C14orf119: variants seen among roughly 807,000 people sequenced by gnomAD.
C14orf119 encodes chromosome 14 open reading frame 119, also known as uncharacterized protein C14orf119.
A neutral mutation model predicts 13.5 loss-of-function variants in C14orf119; 17 were observed. The ratio of observed to expected loss-of-function variants is 1.26; its 90% CI spans 0.86 to 1.88. The LOEUF (loss-of-function observed/expected upper bound fraction) is 1.88, where lower values mean the gene tolerates loss of function less well. Ranked by LOEUF, C14orf119 falls within the 40% of genes most tolerant of loss-of-function variation. C14orf119 has a pLI of 0.00. For missense variants in C14orf119, 162 were observed against 165.9 expected, an observed-to-expected ratio of 0.98 and a Z score of 0.13; for synonymous variants, 61 against 61.9, an observed-to-expected ratio of 0.99 and a Z score of 0.07.
Position 23,097,758 on chromosome 14 carries a change from A to G in C14orf119, c.100A>G (p.Ile34Val). The change falls in exon 2 of 2, where the codon ATC becomes GTC. Residue 34 changes from isoleucine to valine, a missense_variant. Transcript: ENST00000319074. Reference sequence around the variant, plus strand: ...CCCTTCCCCTCCTCTGATGTCTTACATCACCTCCCAGGAGATGAAGTGTAT... The same window carrying G: ...CCCTTCCCCTCCTCTGATGTCTTACGTCACCTCCCAGGAGATGAAGTGTAT... Reference protein sequence around the residue: ...TNPSPPLMSYITSQEMKCILH... With the variant: ...TNPSPPLMSYVTSQEMKCILH... 7 of 1,613,978 alleles carry G rather than the reference A, an allele frequency of 4.3e-6. No individual in the cohort carries two copies. Among genetic ancestry groups the G allele is most frequent in the Non-Finnish European group, 5.9e-6 (7 of 1,179,878 alleles).
Position 23,099,246 on chromosome 14 carries a change from T to G in C14orf119, c.*1165T>G. ...CATCCAGTTGTCTCACAAGAAATTA[T>G]TCTCTTCCTTACCCCCTGTCATGTT... On this transcript the variant is annotated 3_prime_UTR_variant, in exon 2 of 2. Transcript: ENST00000319074. The G allele has an allele frequency of 2.4e-6, 1 of 413,472 alleles. No individual in the cohort carries two copies. The highest frequency in any genetic ancestry group is 4.4e-6 in the Non-Finnish European group (1 of 226,150). 25.6% of individuals were successfully genotyped at this position (413,472 alleles called of 1,614,324 possible). A position where few individuals can be genotyped will look rare whatever the true frequency, so the allele number is the denominator to read the frequency against.
Position 23,098,987 on chromosome 14 carries a change from T to G in C14orf119, c.*906T>G. 1 of 223,988 alleles carries G rather than the reference T, an allele frequency of 4.5e-6. No individual in the cohort carries two copies. Among genetic ancestry groups the G allele is most frequent in the Non-Finnish European group, 9.5e-6 (1 of 105,504 alleles). The allele number at this position is 223,988 out of a possible 1,614,324, so 13.9% of individuals were successfully genotyped here. ...GGCCTTTTTCTAAGGCATATGTATG[T>G]GATATTCTTGGAACTGGTAGCAGGT... On this transcript the variant is annotated 3_prime_UTR_variant, in exon 2 of 2. Transcript: ENST00000319074.
chr14:23,097,567 C>G, intron 1 of C14orf119, 91 bp from the exon 2 acceptor site: 2 of 1,143,978 alleles, frequency 1.7e-6, no homozygotes. Context: ...TCTGTAGATG[C>G]TAATTGAGTG....
chr14:23,097,152 A>T (rs555184874), intron 1 of C14orf119, among the ~76,000 whole-genome samples: 1 of 140,214 alleles, frequency 7.1e-6, no homozygotes, highest in South Asian at 2.3e-4. Context: ...ATGCACATTG[A>T]AGGCTCTTTC....
At position 23,098,537 on chromosome 14, in the gene C14orf119, A is replaced by G. The variant is rs1442221548; in HGVS notation, c.*456A>G. 1 of 181,372 alleles carries G rather than the reference A, an allele frequency of 5.5e-6. No individual in the cohort carries two copies. Among genetic ancestry groups the G allele is most frequent in the African/African-American group, 2.4e-5 (1 of 41,820 alleles). The allele number at this position is 181,372 out of a possible 1,614,324, so 11.2% of individuals were successfully genotyped here. ...TACCACTCCTATCAGATTGTAGTGT[A>G]ATTGTGTGATACGCAAACCATTAGT... On this transcript the variant is annotated 3_prime_UTR_variant, in exon 2 of 2. Coordinates refer to ENST00000319074, the MANE Select transcript of C14orf119 (RefSeq NM_017924.4).
In C14orf119 at chr14:23,095,553, C is replaced by G; in HGVS notation, c.-68C>G. Reference sequence around the variant, plus strand: ...TTAGGGTTTTCAGGAAATTTGGAAGCTGCCGCAGTAGTTGGAGTCTAAGGA... The same window carrying G: ...TTAGGGTTTTCAGGAAATTTGGAAGGTGCCGCAGTAGTTGGAGTCTAAGGA... On this transcript the variant is annotated 5_prime_UTR_variant, in exon 1 of 2. Coordinates refer to ENST00000319074, the MANE Select transcript of C14orf119 (RefSeq NM_017924.4). 1 of 479,978 alleles carries G rather than the reference C, an allele frequency of 2.1e-6. No individual in the cohort carries two copies. The highest frequency in any genetic ancestry group is 3.5e-5 in the East Asian group (1 of 28,200). The allele number at this position is 479,978 out of a possible 1,614,324, so 29.7% of individuals were successfully genotyped here.
rs534243163 is a variant in C14orf119, at chr14:23,097,613, C to T, written c.-1-45C>T. The T allele has an allele frequency of 2.2e-5, 34 of 1,521,644 alleles. No homozygotes were observed. The East Asian group carries it at 2.3e-4, about 10-fold the overall frequency. 94.3% of individuals were successfully genotyped at this position (1,521,644 alleles called of 1,614,324 possible). A position where few individuals can be genotyped will look rare whatever the true frequency, so the allele number is the denominator to read the frequency against. On this transcript the variant is annotated intron_variant, in intron 1 of 1. Coordinates refer to ENST00000319074, the MANE Select transcript of C14orf119 (RefSeq NM_017924.4). ...TCTTGTTGCTTGAAAGTTGTATTTT[C>T]GTTGCTCTACCTGGAGAGCATATAA...
chr14:23,097,556 C>T (rs1268062363), intron 1 of C14orf119, 102 bp from the exon 2 acceptor site: 1 of 1,030,526 alleles, frequency 9.7e-7, no homozygotes, highest in African/African-American at 1.6e-5. Context: ...AAGTAATTTT[C>T]TCTGTAGATG....
chr14:23,099,497 C>T lies in C14orf119; in HGVS notation c.*1416C>T, dbSNP rs2048412485. 2.5e-6 allele frequency: 1 copy of T among 399,918 alleles called. No individual in the cohort carries two copies. Among genetic ancestry groups the T allele is most frequent in the Non-Finnish European group, 4.6e-6 (1 of 218,316 alleles). 24.8% of individuals were successfully genotyped at this position (399,918 alleles called of 1,614,324 possible). A position where few individuals can be genotyped will look rare whatever the true frequency, so the allele number is the denominator to read the frequency against. On this transcript the variant is annotated 3_prime_UTR_variant, in exon 2 of 2. Transcript: ENST00000319074. ...TCTGAAGTAACCAGCAACCTAGGAA[C>T]ATAGAAGGTAATATTTGGCATGGAA...
Position 23,098,470 on chromosome 14 carries a change from G to A in C14orf119, c.*389G>A, listed in dbSNP as rs2048403825. 2 of 197,264 alleles carry A rather than the reference G, an allele frequency of 1.0e-5. No homozygotes were observed. The highest frequency in any genetic ancestry group is 1.1e-4 in the Admixed American group (2 of 18,914). The allele number at this position is 197,264 out of a possible 1,614,324, so 12.2% of individuals were successfully genotyped here. ...CGAGAAATAAGACAGGACAATAAAAGGTGGCGTTTTTGTACTTTACCTGGA... is the reference window on the plus strand; with the variant it reads ...CGAGAAATAAGACAGGACAATAAAAAGTGGCGTTTTTGTACTTTACCTGGA... On this transcript the variant is annotated 3_prime_UTR_variant, in exon 2 of 2. Coordinates refer to ENST00000319074, the MANE Select transcript of C14orf119 (RefSeq NM_017924.4).
At chr14:23,097,514 C>T in intron 1 of C14orf119, 144 bp from the exon 2 acceptor site, 1 of 685,460 alleles carries the variant, frequency 1.5e-6, no homozygotes. Context: ...AAATAAAGGA[C>T]TCTTATTATT....
In C14orf119 at chr14:23,097,919, A is replaced by G. The variant is rs1373193125; in HGVS notation, c.261A>G (p.Arg87=). ...AGCTTAGTGTGTCTGGGGCAGACCG[A>G]CCACCTTCTATCTTTGAGTGCCAGC... The part of the protein sequence containing the change: ...LEQLSVSGAD[R]PPSIFECQLH... Residue 87 remains arginine, a synonymous_variant, in exon 2 of 2, where the codon CGA becomes CGG. Transcript: ENST00000319074. 1 of 1,614,088 alleles carries G rather than the reference A, an allele frequency of 6.2e-7. No individual in the cohort carries two copies. The highest frequency in any genetic ancestry group is 8.5e-7 in the Non-Finnish European group (1 of 1,179,970).
intron 1 of C14orf119, 37 bp from the exon 2 acceptor site, chr14:23,097,621 T>C (rs2048395292): frequency 1.3e-6 from 2 of 1,575,920 alleles, no homozygotes; most frequent in Non-Finnish European, 1.7e-6. Context: ...TTCGTTGCTC[T>C]ACCTGGAGAG....
intron 1 of C14orf119, among the ~76,000 whole-genome samples, chr14:23,096,026 T>C (rs2048365722): frequency 6.6e-6 from 1 of 152,236 alleles, no homozygotes; most frequent in Non-Finnish European, 1.5e-5. Flanking sequence ...TTTTTGGTAC[T>C]TGAACTAATA....
chr14:23,098,056 T>C lies in C14orf119; in HGVS notation c.398T>C (p.Val133Ala), dbSNP rs1490297627. Residue 133 changes from valine to alanine, a missense_variant, in exon 2 of 2, where the codon GTG becomes GCG. By Grantham distance (64) the Val-to-Ala change is moderately conservative. Coordinates refer to ENST00000319074, the MANE Select transcript of C14orf119 (RefSeq NM_017924.4). ...TTCGTGGCAAAGTTTTACCAAGCAG[T>C]GGCTGCTACAGCTGGTAAGGACTGA... Reference protein sequence around the residue: ...PDFVAKFYQAVAATAGKD With the variant: ...PDFVAKFYQAAAATAGKD 2.5e-6 allele frequency: 4 copies of C among 1,613,924 alleles called. No individual in the cohort carries two copies. The highest frequency in any genetic ancestry group is 2.5e-6 in the Non-Finnish European group (3 of 1,180,022).
intron 1 of C14orf119, 142 bp from the exon 2 acceptor site, chr14:23,097,516 C>T: frequency 1.4e-6 from 1 of 701,314 alleles, no homozygotes; most frequent in Non-Finnish European, 2.4e-6. Flanking sequence ...ATAAAGGACT[C>T]TTATTATTTT....
rs184281713 is a variant in C14orf119 at position 23,099,417 on chromosome 14, C to A, written c.*1336C>A. ...TTCCCATTACACCCACCAGGATTAG[C>A]AGCATTAGGCAGAGTCCCATGGACA... On this transcript the variant is annotated 3_prime_UTR_variant, in exon 2 of 2. Coordinates refer to ENST00000319074, the MANE Select transcript of C14orf119 (RefSeq NM_017924.4). The A allele has an allele frequency of 3.9e-5, 16 of 413,452 alleles. No individual in the cohort carries two copies. Among genetic ancestry groups the A allele is most frequent in the Non-Finnish European group, 6.6e-5 (15 of 226,158 alleles). The allele number at this position is 413,452 out of a possible 1,614,324, so 25.6% of individuals were successfully genotyped here.
chr14:23,096,490 C>A (rs2048374393), intron 1 of C14orf119, among the ~76,000 whole-genome samples: 1 of 109,170 alleles, frequency 9.2e-6, no homozygotes, highest in East Asian at 2.7e-4. Context: ...GCCTGGGTGA[C>A]AGAGCAAGAC....
chr14:23,097,637 A>C (rs1272376381), intron 1 of C14orf119, 21 bp from the exon 2 acceptor site: 1 of 1,608,314 alleles, frequency 6.2e-7, no homozygotes, highest in East Asian at 2.2e-5. Context: ...GAGAGCATAT[A>C]ACAGTGCTTT....
Sources: gnomAD v4.1 joint callset for allele counts (sites outside exome capture counted in the v4.1 genomes callset) on GRCh38, gnomAD v4.1.1 for gene constraint, MANE v1.5 for transcripts, NCBI Gene and HGNC (gene_info 2026-07-23, HGNC 2026-07-21) for gene names.